The following NELL1 variants were observed in gnomAD, a reference collection of about 807,000 sequenced individuals.
NELL1 encodes protein kinase C-binding protein NELL1.
In NELL1, 76 loss-of-function variants were observed where a neutral mutation model predicts 107.4. The observed-to-expected ratio is 0.71, with a 90% CI of 0.59 to 0.86. NELL1 has a LOEUF of 0.86. Ranked by LOEUF, NELL1 falls within the 40% of genes least tolerant of loss-of-function variation. The pLI is 0.00. For synonymous variants in NELL1, 353 were observed against 341.2 expected (o/e 1.03, Z -0.38); for missense variants, 1,024 against 1,005.5 (o/e 1.02, Z -0.25).
intron 13 of NELL1, among the ~76,000 whole-genome samples, chr11:21,162,802 A>G (rs1226747211): frequency 1.3e-5 from 2 of 152,176 alleles, no homozygotes; most frequent in African/African-American, 4.8e-5. Flanking sequence ...AACAATCACT[A>G]GTTTATGAAT....
Position 21,242,509 on chromosome 11 carries a change from T to G in NELL1, c.1549+13055T>G, listed in dbSNP as rs552613806. ...GGGGAGAACACAGATATTGTTTGGT[T>G]CCAGCAGCCTCTGCTACACTGCTGT... is the stretch of plus-strand genomic sequence containing the variant. On this transcript the variant is annotated intron_variant, in intron 14 of 19. Transcript: ENST00000357134. Among the ~76,000 whole-genome samples the G allele has an allele frequency of 8.5e-5, 13 of 152,224 alleles. No homozygotes were observed. In the East Asian group the frequency reaches 2.5e-3, roughly 29 times the overall value.
At chr11:20,767,675 G>A (rs1421456571) in intron 2 of NELL1, among the ~76,000 whole-genome samples, 1 of 152,180 alleles carries the variant, frequency 6.6e-6, no homozygotes, top group Non-Finnish European at 1.5e-5. Flanking sequence ...TCCTTGAGGG[G>A]CTATTGGCCT....
At chr11:21,078,490 C>G (rs1262419246) in intron 12 of NELL1, among the ~76,000 whole-genome samples, 1 of 151,982 alleles carries the variant, frequency 6.6e-6, no homozygotes, top group Non-Finnish European at 1.5e-5. Flanking sequence ...AAATATAAAT[C>G]TAAAGAGAAA....
rs552720368 is a variant in NELL1 at position 21,059,247 on chromosome 11, C to G, written c.1301-54342C>G. ...TGAGTTTCCAAGCTTCCTGAGGGCA[C>G]AGAACAAGTTTTGTTTTGTTTTTTT... is the stretch of plus-strand genomic sequence containing the variant. On this transcript the variant is annotated intron_variant, in intron 12 of 19. Transcript: ENST00000357134. 3.0e-3 allele frequency among the ~76,000 whole-genome samples: 425 copies of G among 140,520 alleles called. 4 individuals carry two copies. Among genetic ancestry groups the G allele is most frequent in the African/African-American group, 0.01 (401 of 38,502 alleles). The allele number at this position is 140,520 out of a possible 152,430, so 92.2% of individuals were successfully genotyped here.
rs1185924018 is a variant in NELL1 at position 20,976,163 on chromosome 11, A to G, written c.1300+15603A>G. On this transcript the variant is annotated intron_variant, in intron 12 of 19. Coordinates refer to ENST00000357134, the MANE Select transcript of NELL1 (RefSeq NM_006157.5). Reference sequence around the variant, plus strand: ...TACACACATGTATATATATACACACATTATATCTGTACATATATATGTTTA... The same window carrying G: ...TACACACATGTATATATATACACACGTTATATCTGTACATATATATGTTTA... Among the ~76,000 whole-genome samples, 10 of 106,342 alleles carry G rather than the reference A, an allele frequency of 9.4e-5. No homozygotes were observed. In the East Asian group the frequency reaches 3.0e-3, roughly 32 times the overall value. The allele number at this position is 106,342 out of a possible 152,430, so 69.8% of individuals were successfully genotyped here. A position where few individuals can be genotyped will look rare whatever the true frequency, so the allele number is the denominator to read the frequency against.
intron 3 of NELL1, among the ~76,000 whole-genome samples, chr11:20,785,433 T>G (rs1184325525): frequency 6.6e-6 from 1 of 152,214 alleles, no homozygotes; most frequent in Non-Finnish European, 1.5e-5. Flanking sequence ...TTCCAAGGAT[T>G]GAGTGTCAAG....
At chr11:21,498,517 T>G (rs534105660) in intron 15 of NELL1, among the ~76,000 whole-genome samples, 2 of 151,770 alleles carry the variant, frequency 1.3e-5, no homozygotes, top group African/African-American at 4.8e-5. Flanking sequence ...CTATATAGTA[T>G]TCTATTTGAA....
rs920293192 is a variant in NELL1, at chr11:21,263,914, G to T, written c.1549+34460G>T. ...ATAATCCTTAAAAAATGGAAAAAAA[G>T]CTCTTAAATATATAACTTTAATGAA... On this transcript the variant is annotated intron_variant, in intron 14 of 19. Coordinates refer to ENST00000357134, the MANE Select transcript of NELL1 (RefSeq NM_006157.5). Among the ~76,000 whole-genome samples, 12 of 152,018 alleles carry T rather than the reference G, an allele frequency of 7.9e-5. No homozygotes were observed. The East Asian group carries it at 1.9e-3, about 25-fold the overall frequency.
intron 4 of NELL1, among the ~76,000 whole-genome samples, chr11:20,861,375 G>A (rs1848975527): frequency 6.6e-6 from 1 of 152,170 alleles, no homozygotes; most frequent in Admixed American, 6.5e-5. Flanking sequence ...GGAGGAATGA[G>A]GCTGCTTTGT....
At chr11:21,132,183 TTG>T (rs111574120) in intron 13 of NELL1, among the ~76,000 whole-genome samples, 3,626 of 149,444 alleles carry the variant, frequency 0.024, 138 homozygotes, top group African/African-American at 0.079. Flanking sequence ...AGCCTGTATT[TTG>T]TGTGTGTGTG....
At chr11:21,078,126 G>A (rs1267489846) in intron 12 of NELL1, among the ~76,000 whole-genome samples, 1 of 151,904 alleles carries the variant, frequency 6.6e-6, no homozygotes, top group African/African-American at 2.4e-5. Context: ...AGAATGAAAA[G>A]TATAACCTCA....
rs4151056 is a variant in NELL1, at chr11:21,370,941, C to A, written c.1638C>A (p.Cys546Ter). Residue 546 changes from cysteine to a stop codon, truncating the protein, a stop_gained, in exon 15 of 20, where the codon TGC becomes TGA. Transcript: ENST00000357134. LOFTEE classifies it high-confidence loss of function. ...VCPSGFTGSH[C>*]EKDIDECSEG... is the part of the protein sequence containing the mutation. The stretch of plus-strand genomic sequence containing the variant: ...CATCTGGATTCACAGGAAGCCACTG[C>A]GAGAAAGGTAATCTAGCTTGTTTTA... 5.0e-6 allele frequency: 8 copies of A among 1,608,760 alleles called. No homozygotes were observed. Among genetic ancestry groups the A allele is most frequent in the Admixed American group, 1.7e-5 (1 of 59,504 alleles).
chr11:21,380,893 T>C (rs1564867314), intron 15 of NELL1, among the ~76,000 whole-genome samples: 1 of 152,204 alleles, frequency 6.6e-6, no homozygotes, highest in East Asian at 1.9e-4. Context: ...GCCTGAGTTT[T>C]GATACTAAAT....
At chr11:21,339,539 C>CT (rs143044924) in intron 14 of NELL1, among the ~76,000 whole-genome samples, 4,080 of 152,276 alleles carry the variant, frequency 0.027, 71 homozygotes, top group Middle Eastern at 0.041. Context: ...TGGTACATTT[C>CT]TTTTCATCGT....
intron 16 of NELL1, among the ~76,000 whole-genome samples, chr11:21,549,817 T>A (rs989464514): frequency 1.3e-5 from 2 of 150,484 alleles, no homozygotes; most frequent in South Asian, 4.2e-4. Flanking sequence ...CAGATTTTAA[T>A]CCCTAATAAA....
At chr11:21,493,233 G>A (rs556625930) in intron 15 of NELL1, among the ~76,000 whole-genome samples, 1 of 151,800 alleles carries the variant, frequency 6.6e-6, no homozygotes, top group Admixed American at 6.6e-5. Flanking sequence ...CCCACTACGG[G>A]GTATTTATCC....
chr11:20,775,706 T>A (rs1460277021), intron 2 of NELL1, among the ~76,000 whole-genome samples: 1 of 152,226 alleles, frequency 6.6e-6, no homozygotes, highest in Non-Finnish European at 1.5e-5. Context: ...GGGAATGCAT[T>A]GATTTTCCTA....
intron 12 of NELL1, among the ~76,000 whole-genome samples, chr11:21,068,693 A>G (rs2134374995): frequency 6.6e-6 from 1 of 152,308 alleles, no homozygotes; most frequent in Non-Finnish European, 1.5e-5. Flanking sequence ...GATAATGCAG[A>G]TTGTTTGCTA....
At chr11:20,800,597 A>G (rs1489753710) in intron 3 of NELL1, among the ~76,000 whole-genome samples, 2 of 151,996 alleles carry the variant, frequency 1.3e-5, no homozygotes, top group Non-Finnish European at 1.5e-5. Context: ...TGGATATTAG[A>G]CCTCTGTTAG....
Sources: gnomAD v4.1 joint callset for allele counts (sites outside exome capture counted in the v4.1 genomes callset) on GRCh38, gnomAD v4.1.1 for gene constraint, MANE v1.5 for transcripts, NCBI Gene and HGNC (gene_info 2026-07-23, HGNC 2026-07-21) for gene names.